Variants in ASTN2 observed in about 807,000 individuals in gnomAD.
ASTN2 encodes the protein astrotactin-2.
In ASTN2, 54 loss-of-function variants were observed where a neutral mutation model predicts 139.8. The ratio of observed to expected loss-of-function variants is 0.39; its 90% CI spans 0.31 to 0.48. The LOEUF (loss-of-function observed/expected upper bound fraction) is 0.48, where lower values mean the gene tolerates loss of function less well. ASTN2 is among the 20% of genes least tolerant of loss of function. The probability of loss-of-function intolerance (pLI) is 0.95; values close to 1 mark genes in which losing one functional copy is unlikely to be tolerated. For synonymous variants in ASTN2, 756 were observed against 719.5 expected, an observed-to-expected ratio of 1.05 and a Z score of -0.81; for missense variants, 1,565 against 1,725.1, an observed-to-expected ratio of 0.91 and a Z score of 1.64.
intron 3 of ASTN2, among the ~76,000 whole-genome samples, chr9:117,169,089 A>C (rs1830732688): frequency 6.6e-6 from 1 of 152,170 alleles, no homozygotes; most frequent in Admixed American, 6.5e-5. Flanking sequence ...CGCAGAAATC[A>C]TGGCACAGAC....
chr9:116,805,176 A>T (rs1368827304), intron 13 of ASTN2, among the ~76,000 whole-genome samples: 1 of 151,982 alleles, frequency 6.6e-6, no homozygotes, highest in Non-Finnish European at 1.5e-5. Context: ...AGAGAAAGAG[A>T]GAAGTAGAAA....
intron 1 of ASTN2, among the ~76,000 whole-genome samples, chr9:117,368,175 T>C (rs1014837980): frequency 1.3e-5 from 2 of 152,090 alleles, no homozygotes; most frequent in African/African-American, 4.8e-5. Flanking sequence ...CAATTCTTCA[T>C]CACCCTTGAA....
chr9:117,228,637 C>T (rs1390715188), intron 2 of ASTN2, among the ~76,000 whole-genome samples: 1 of 152,064 alleles, frequency 6.6e-6, no homozygotes, highest in Non-Finnish European at 1.5e-5. Flanking sequence ...TGGCCAGTGT[C>T]CTTGATGTAC....
At chr9:117,381,195 G>A (rs1285114260) in intron 1 of ASTN2, among the ~76,000 whole-genome samples, 3 of 152,214 alleles carry the variant, frequency 2.0e-5, no homozygotes, top group Non-Finnish European at 4.4e-5. Flanking sequence ...AAAATTTGAA[G>A]AGACAGAAAA....
At chr9:117,324,021 G>C (rs745778778) in intron 1 of ASTN2, among the ~76,000 whole-genome samples, 4 of 152,056 alleles carry the variant, frequency 2.6e-5, no homozygotes, top group Non-Finnish European at 5.9e-5. Flanking sequence ...TCCTAACTAA[G>C]GAGAAAGAAG....
At chr9:116,638,405 A>G (rs116324691) in intron 17 of ASTN2, among the ~76,000 whole-genome samples, 1 of 152,140 alleles carries the variant, frequency 6.6e-6, no homozygotes, top group African/African-American at 2.4e-5. Flanking sequence ...GAGAGAGGCA[A>G]CAACTAGGGC....
chr9:117,100,615 T>C (rs112907845), intron 4 of ASTN2, among the ~76,000 whole-genome samples: 2,260 of 152,346 alleles, frequency 0.015, 65 homozygotes, highest in African/African-American at 0.052. Context: ...GCTCACCATA[T>C]TGGAGAACAC....
chr9:117,289,757 C>A (rs1238825668), intron 2 of ASTN2, among the ~76,000 whole-genome samples: 1 of 152,156 alleles, frequency 6.6e-6, no homozygotes, highest in Non-Finnish European at 1.5e-5. Context: ...CATGCAGGCA[C>A]CCACTTGCTT....
intron 1 of ASTN2, among the ~76,000 whole-genome samples, chr9:117,323,152 T>C (rs752059313): frequency 1.9e-4 from 29 of 152,254 alleles, no homozygotes; most frequent in Non-Finnish European, 2.8e-4. Flanking sequence ...GAGTGACTCA[T>C]TTTTATGTGT....
rs76699477 is a variant in ASTN2 at position 117,297,624 on chromosome 9, A to G, written c.443-6111T>C. Among the ~76,000 whole-genome samples the G allele has an allele frequency of 4.6e-3, 702 of 152,264 alleles. 4 individuals are homozygous for G. Among genetic ancestry groups the G allele is most frequent in the African/African-American group, 0.016 (676 of 41,538 alleles). ...GCAAACTAATGATGAGCAACGAAGT[A>G]CTCCCACATTGATAACAGCAAGGAA... On this transcript the variant is annotated intron_variant, in intron 1 of 22. Coordinates refer to ENST00000313400, the MANE Select transcript of ASTN2 (RefSeq NM_001365068.1).
chr9:116,683,737 T>G lies in ASTN2; in HGVS notation c.2807-31944A>C, dbSNP rs1297448093. ...ATGAAAAAAATTTAGAGCATATTTG[T>G]TTCTCTCTACCTGATTTCTCCTGAA... is the stretch of plus-strand genomic sequence containing the variant. On this transcript the variant is annotated intron_variant, in intron 16 of 22. Coordinates refer to ENST00000313400, the MANE Select transcript of ASTN2 (RefSeq NM_001365068.1). Among the ~76,000 whole-genome samples, 4 of 152,220 alleles carry G rather than the reference T, an allele frequency of 2.6e-5. No homozygotes were observed. In the East Asian group the frequency reaches 7.7e-4, roughly 29 times the overall value.
chr9:116,493,395 A>G (rs896519587), intron 19 of ASTN2, among the ~76,000 whole-genome samples: 13 of 152,182 alleles, frequency 8.5e-5, no homozygotes, highest in Non-Finnish European at 1.5e-4. Flanking sequence ...CTGTACAGGA[A>G]TGTGCCTGTT....
At chr9:116,736,375 CTTTG>C (rs1345572773) in intron 13 of ASTN2, among the ~76,000 whole-genome samples, 3 of 152,160 alleles carry the variant, frequency 2.0e-5, no homozygotes, top group Non-Finnish European at 4.4e-5. Flanking sequence ...GGCATAGAGT[CTTTG>C]TTTGTCTAAC....
intron 10 of ASTN2, among the ~76,000 whole-genome samples, chr9:116,933,379 T>C (rs950025254): frequency 1.3e-5 from 2 of 152,106 alleles, no homozygotes; most frequent in Non-Finnish European, 2.9e-5. Flanking sequence ...CCCTCTAGTC[T>C]ACTTCAAGCA....
chr9:117,037,137 T>C (rs1838404785), intron 6 of ASTN2, among the ~76,000 whole-genome samples: 1 of 152,050 alleles, frequency 6.6e-6, no homozygotes, highest in East Asian at 1.9e-4. Context: ...GAATATAATA[T>C]TTCTCCCCAA....
Position 117,225,574 on chromosome 9 carries a change from T to TATATATATAC in ASTN2, c.631-10833_631-10832insGTATATATAT, listed in dbSNP as rs371374987. Among the ~76,000 whole-genome samples the TATATATATAC allele has an allele frequency of 7.6e-3, 592 of 77,768 alleles. 19 individuals carry two copies. The highest frequency in any genetic ancestry group is 0.013 in the Admixed American group (75 of 5,944). 51.0% of individuals were successfully genotyped at this position (77,768 alleles called of 152,430 possible). ...ATATATATATATATATATATATATA[T>TATATATATAC]ACAGATGAACCCAAGTGGCCAGAGA... On this transcript the variant is annotated intron_variant, in intron 2 of 22. Transcript: ENST00000313400.
chr9:117,272,506 C>CA (rs796944053), intron 2 of ASTN2, among the ~76,000 whole-genome samples: 3 of 152,002 alleles, frequency 2.0e-5, no homozygotes, highest in African/African-American at 7.2e-5. Flanking sequence ...AATTTCTCTT[C>CA]AAAAAAATGG....
intron 22 of ASTN2, among the ~76,000 whole-genome samples, chr9:116,432,789 G>A (rs1847538696): frequency 6.6e-6 from 1 of 152,142 alleles, no homozygotes; most frequent in South Asian, 2.1e-4. Context: ...AATTGGCCAG[G>A]TGTGGTGGCA....
At chr9:116,716,355 G>A (rs1828314994) in intron 16 of ASTN2, among the ~76,000 whole-genome samples, 1 of 152,108 alleles carries the variant, frequency 6.6e-6, no homozygotes, top group South Asian at 2.1e-4. Flanking sequence ...TAAGTACATG[G>A]GAGGCTTTGG....
Sources: gnomAD v4.1 joint callset for allele counts (sites outside exome capture counted in the v4.1 genomes callset) on GRCh38, gnomAD v4.1.1 for gene constraint, MANE v1.5 for transcripts, NCBI Gene and HGNC (gene_info 2026-07-23, HGNC 2026-07-21) for gene names.